DYNLL1: variants seen among roughly 807,000 people sequenced by gnomAD.
DYNLL1 encodes the protein dynein light chain 1, cytoplasmic.
In DYNLL1, 3 loss-of-function variants were observed where a neutral mutation model predicts 10.1. That is an observed-to-expected ratio of 0.30 (90% confidence interval 0.14 to 0.77). The LOEUF (loss-of-function observed/expected upper bound fraction) is 0.77. Among genes scored for constraint, DYNLL1 ranks in the 30% least tolerant of loss-of-function variants. The pLI is 0.66. For missense variants in DYNLL1, 47 were observed against 111.7 expected, an observed-to-expected ratio of 0.42 and a Z score of 2.61; for synonymous variants, 46 against 41.2, an observed-to-expected ratio of 1.12 and a Z score of -0.45.
At chr12:120,494,988 T>A (rs1395197932), upstream of DYNLL1, among the ~76,000 whole-genome samples, 1 of 152,244 alleles carries the variant, frequency 6.6e-6, no homozygotes, top group Non-Finnish European at 1.5e-5. Flanking sequence ...TGCCTCACAT[T>A]GTGCTGAGAG....
rs554496255 is a variant in DYNLL1 at position 120,496,151 on chromosome 12, C to T, written c.-72C>T. Reference sequence around the variant, plus strand: ...TTTCGGTAGCGACGGTATCTCTAGCCGGGCCTGAGCTGTGCTAGCACCTCC... The same window carrying T: ...TTTCGGTAGCGACGGTATCTCTAGCTGGGCCTGAGCTGTGCTAGCACCTCC... On this transcript the variant is annotated 5_prime_UTR_variant, in exon 1 of 3. Transcript: ENST00000242577. 16 of 553,230 alleles carry T rather than the reference C, an allele frequency of 2.9e-5. No individual in the cohort carries two copies. Among genetic ancestry groups the T allele is most frequent in the South Asian group, 6.5e-5 (3 of 45,822 alleles). The allele number at this position is 553,230 out of a possible 1,614,324, so 34.3% of individuals were successfully genotyped here.
intron 2 of DYNLL1, 188 bp downstream of exon 2, chr12:120,496,741 GTTTTTTT>G (rs35017041): frequency 3.4e-6 from 2 of 582,234 alleles, no homozygotes; most frequent in East Asian, 6.2e-5. Context: ...GGCGTCCGAA[GTTTTTTT>G]TTTTTTTTTT....
At chr12:120,496,760 T>A (rs79635763) in intron 2 of DYNLL1, 25 of 654,016 alleles carry the variant, frequency 3.8e-5, no homozygotes, top group African/African-American at 1.6e-4. Flanking sequence ...TTTTTTTTTT[T>A]AATTACCCAG....
chr12:120,487,733 C>A (rs1879030560), intron 1 of DYNLL1, among the ~76,000 whole-genome samples: 3 of 152,080 alleles, frequency 2.0e-5, no homozygotes, highest in African/African-American at 7.2e-5. Flanking sequence ...GCCAAGCAAC[C>A]CAGATGTCCG....
chr12:120,472,683 A>C (rs1308980041), intron 1 of DYNLL1, among the ~76,000 whole-genome samples: 2 of 152,218 alleles, frequency 1.3e-5, no homozygotes, highest in Non-Finnish European at 2.9e-5. Context: ...GTAGGTGGAA[A>C]ACTGCTTGCA....
At chr12:120,494,461 A>G (rs917435010), upstream of DYNLL1, among the ~76,000 whole-genome samples, 1 of 151,766 alleles carries the variant, frequency 6.6e-6, no homozygotes, top group Non-Finnish European at 1.5e-5. Flanking sequence ...TTTTTAGTAG[A>G]GATGGGGTTT....
intron 1 of DYNLL1, among the ~76,000 whole-genome samples, chr12:120,475,843 G>A (rs61945875): frequency 0.022 from 3,373 of 152,192 alleles, 81 homozygotes; most frequent in Non-Finnish European, 0.032. Flanking sequence ...TATGGTACTG[G>A]CACATAGTAA....
At chr12:120,487,376 G>T (rs934518762) in intron 1 of DYNLL1, among the ~76,000 whole-genome samples, 1 of 118,720 alleles carries the variant, frequency 8.4e-6, no homozygotes, top group East Asian at 2.8e-4. Context: ...CATTACACAT[G>T]TGCAGTATTT....
At chr12:120,490,521 C>T (rs772738510) in intron 1 of DYNLL1, 5 of 152,222 alleles carry the variant, frequency 3.3e-5, no homozygotes, top group Non-Finnish European at 4.4e-5. Flanking sequence ...TTGCTCTTTC[C>T]GTTCCTTCAT....
At chr12:120,476,098 G>A (rs1205645799) in intron 1 of DYNLL1, among the ~76,000 whole-genome samples, 1 of 145,412 alleles carries the variant, frequency 6.9e-6, no homozygotes, top group Non-Finnish European at 1.5e-5. Flanking sequence ...AAGGGTAGGG[G>A]GGTGTGAAAA....
chr12:120,480,764 C>CT (rs770507117), intron 1 of DYNLL1, among the ~76,000 whole-genome samples: 7,113 of 141,374 alleles, frequency 0.05, 262 homozygotes, highest in South Asian at 0.1. Context: ...AAGCATTTTT[C>CT]TTTTTTTTTT....
intron 1 of DYNLL1, among the ~76,000 whole-genome samples, chr12:120,485,661 G>A (rs2137063409): frequency 6.6e-6 from 1 of 151,912 alleles, no homozygotes; most frequent in African/African-American, 2.4e-5. Context: ...GCAACATAGT[G>A]ATACCTCATT....
At position 120,498,324 on chromosome 12, in the gene DYNLL1, T is replaced by C; in HGVS notation, c.*114T>C. The C allele has an allele frequency of 1.5e-6, 2 of 1,360,404 alleles. No homozygotes were observed. Among genetic ancestry groups the C allele is most frequent in the Non-Finnish European group, 2.0e-6 (2 of 1,013,866 alleles). The allele number at this position is 1,360,404 out of a possible 1,614,324, so 84.3% of individuals were successfully genotyped here. On this transcript the variant is annotated 3_prime_UTR_variant, in exon 3 of 3. Transcript: ENST00000242577. ...CCTTGCTAAGGGAACATCTCGATGT[T>C]TGAACCTTTGTTGTGTTTTGTACAG...
chr12:120,477,514 C>T (rs1878781201), intron 1 of DYNLL1, among the ~76,000 whole-genome samples: 1 of 151,962 alleles, frequency 6.6e-6, no homozygotes, highest in African/African-American at 2.4e-5. Flanking sequence ...CCTGTAATCC[C>T]AGCACTCTGG....
intron 1 of DYNLL1, among the ~76,000 whole-genome samples, chr12:120,473,989 C>T (rs1346478600): frequency 6.7e-6 from 1 of 148,726 alleles, no homozygotes; most frequent in African/African-American, 2.5e-5. Flanking sequence ...AAAAGGACAC[C>T]ATGAGAAATC....
At chr12:120,481,727 C>G (rs965509045) in intron 1 of DYNLL1, among the ~76,000 whole-genome samples, 6 of 152,222 alleles carry the variant, frequency 3.9e-5, no homozygotes, top group Non-Finnish European at 5.9e-5. Flanking sequence ...CAGTCTCTAG[C>G]CCCACTCCCC....
intron 1 of DYNLL1, among the ~76,000 whole-genome samples, chr12:120,479,465 A>ATAATAATAATAATAATAAT (rs1481700249): frequency 1.6e-5 from 2 of 125,008 alleles, no homozygotes; most frequent in African/African-American, 5.7e-5. Flanking sequence ...AAAAAAAAAA[A>ATAATAATAATAATAATAAT]AAAAATAATA....
rs540033735 is a variant in DYNLL1, at chr12:120,498,408, T to C, written c.*198T>C. On this transcript the variant is annotated 3_prime_UTR_variant, in exon 3 of 3. Transcript: ENST00000242577. ...AACAATTAGCAGAATAGCCTACATT[T>C]GTATTTATTTTCTATTCCATACTTC... The C allele has an allele frequency of 1.9e-6, 1 of 535,892 alleles. No homozygotes were observed. The highest frequency in any genetic ancestry group is 4.0e-5 in the Admixed American group (1 of 25,168). The allele number at this position is 535,892 out of a possible 1,614,324, so 33.2% of individuals were successfully genotyped here. A position where few individuals can be genotyped will look rare whatever the true frequency, so the allele number is the denominator to read the frequency against.
upstream of DYNLL1, among the ~76,000 whole-genome samples, chr12:120,493,329 G>A (rs1264817550): frequency 1.3e-5 from 2 of 152,004 alleles, no homozygotes; most frequent in African/African-American, 4.8e-5. Flanking sequence ...CTTGAGCTCA[G>A]GAGTTCAAGA....
Sources: allele counts gnomAD v4.1 joint callset (sites outside exome capture counted in the v4.1 genomes callset), GRCh38; gene constraint gnomAD v4.1.1; transcripts MANE v1.5; gene names NCBI Gene and HGNC (gene_info 2026-07-23, HGNC 2026-07-21).